Variants in RCOR3 observed in about 807,000 individuals in gnomAD.
RCOR3 encodes REST corepressor 3.
Under a neutral mutation model 64.1 loss-of-function variants are expected in RCOR3, and 13 were observed. The observed-to-expected ratio is 0.20, with a 90% CI of 0.13 to 0.32. RCOR3 has a LOEUF of 0.32. Ranked by LOEUF, RCOR3 falls within the 10% of genes least tolerant of loss-of-function variation. The probability of loss-of-function intolerance (pLI) is 1.00; values close to 1 mark genes in which losing one functional copy is unlikely to be tolerated. For synonymous variants in RCOR3, 215 were observed against 239.0 expected, an observed-to-expected ratio of 0.90 and a Z score of 0.93; for missense variants, 489 against 701.2, an observed-to-expected ratio of 0.70 and a Z score of 3.42.
chr1:211,313,366 G>A lies in RCOR3; in HGVS notation c.1318-58G>A, dbSNP rs1005244926. ...TTCCTGTGACAGCCCAAACTATATTGTATTAAGTTCATTAGGACTTACATC... is the reference window on the plus strand; with the variant it reads ...TTCCTGTGACAGCCCAAACTATATTATATTAAGTTCATTAGGACTTACATC... On this transcript the variant is annotated intron_variant, in intron 11 of 11. Transcript: ENST00000419091. The surrounding 1 kb of genome is among the most constrained non-coding windows in gnomAD (Gnocchi z 4.7). 2 of 1,552,284 alleles carry A rather than the reference G, an allele frequency of 1.3e-6. No homozygotes were observed. The highest frequency in any genetic ancestry group is 1.2e-5 in the South Asian group (1 of 80,496).
At chr1:211,263,610 AT>A (rs924259262) in intron 2 of RCOR3, among the ~76,000 whole-genome samples, 9 of 152,324 alleles carry the variant, frequency 5.9e-5, no homozygotes, top group African/African-American at 2.2e-4. Context: ...GTAAAAGCTA[AT>A]CTTATCAATC....
chr1:211,299,115 A>C (rs1295622089), intron 9 of RCOR3, among the ~76,000 whole-genome samples: 1 of 152,190 alleles, frequency 6.6e-6, no homozygotes, highest in Non-Finnish European at 1.5e-5. Flanking sequence ...GAAAATTTTT[A>C]ATTTTAGAAA....
At position 211,276,379 on chromosome 1, in the gene RCOR3, T is replaced by C; in HGVS notation, c.477T>C (p.Phe159=). ...VEDKVLFEQA[F]SFHGKSFHRI... ...ATAAAGTCCTATTTGAACAAGCCTT[T>C]AGTTTTCATGGAAAGAGCTTTCACA... The change falls in exon 5 of 12, where the codon TTT becomes TTC. Residue 159 remains phenylalanine, a synonymous_variant. Transcript: ENST00000419091. The C allele has an allele frequency of 6.2e-7, 1 of 1,613,576 alleles. No individual in the cohort carries two copies. Among genetic ancestry groups the C allele is most frequent in the Non-Finnish European group, 8.5e-7 (1 of 1,179,634 alleles).
At chr1:211,304,260 C>T (rs1414301788) in intron 10 of RCOR3, 120 bp downstream of exon 10, 1 of 634,494 alleles carries the variant, frequency 1.6e-6, no homozygotes, top group Non-Finnish European at 2.5e-6. Context: ...GTGTTTATCA[C>T]AAAGTCCTGG....
intron 7 of RCOR3, among the ~76,000 whole-genome samples, 166 bp from the exon 8 acceptor site, chr1:211,289,012 A>AGTGTTATGT (rs1489373331): frequency 1.3e-5 from 2 of 152,050 alleles, no homozygotes; most frequent in African/African-American, 4.8e-5. Flanking sequence ...CCAGTTGGTG[A>AGTGTTATGT]GTGTTATGTG....
intron 2 of RCOR3, chr1:211,260,830 C>T (rs1694129972): frequency 6.6e-6 from 1 of 152,380 alleles, no homozygotes; most frequent in Non-Finnish European, 1.5e-5. Context: ...AGGACAGTGG[C>T]TGCAGCTGCC....
At chr1:211,259,860 G>A in intron 1 of RCOR3, 134 bp downstream of exon 1, 1 of 997,548 alleles carries the variant, frequency 1.0e-6, no homozygotes, top group East Asian at 3.3e-5. Context: ...TCGAACTCCC[G>A]GTGCAGTGCA....
intron 7 of RCOR3, 96 bp from the exon 8 acceptor site, chr1:211,289,082 C>A: frequency 1.1e-6 from 1 of 895,538 alleles, no homozygotes; most frequent in Non-Finnish European, 1.8e-6. Context: ...TTTATGTGTA[C>A]TTATTGCAGC....
chr1:211,288,140 G>A (rs937598632), intron 7 of RCOR3, among the ~76,000 whole-genome samples: 1 of 151,580 alleles, frequency 6.6e-6, no homozygotes, highest in Non-Finnish European at 1.5e-5. Context: ...AGCCCAGGAG[G>A]TCAAAAGGCT....
At position 211,276,145 on chromosome 1, in the gene RCOR3, T is replaced by C; in HGVS notation, c.355-112T>C. The C allele has an allele frequency of 3.0e-6, 3 of 987,996 alleles. No individual in the cohort carries two copies. In the South Asian group the frequency reaches 5.5e-5, roughly 18 times the overall value. 61.2% of individuals were successfully genotyped at this position (987,996 alleles called of 1,614,324 possible). On this transcript the variant is annotated intron_variant, in intron 4 of 11. Transcript: ENST00000419091. Reference sequence around the variant, plus strand: ...TTTAAAGTCCCAAACTGTGAGTCTATCTTCAGTCGAAGTCATAGGCTTAAG... The same window carrying C: ...TTTAAAGTCCCAAACTGTGAGTCTACCTTCAGTCGAAGTCATAGGCTTAAG...
At chr1:211,261,100 T>G (rs1303992323) in intron 2 of RCOR3, 1 of 152,236 alleles carries the variant, frequency 6.6e-6, no homozygotes, top group Non-Finnish European at 1.5e-5. Context: ...ACCCACCTTT[T>G]TTTTTCCTCC....
In RCOR3 at chr1:211,289,338, A is replaced by G. The variant is rs748130216; in HGVS notation, c.881A>G (p.Asn294Ser). 3.8e-5 allele frequency: 62 copies of G among 1,614,048 alleles called. No homozygotes were observed. Among genetic ancestry groups the G allele is most frequent in the Non-Finnish European group, 4.4e-5 (52 of 1,180,032 alleles). The change falls in exon 8 of 12, where the codon AAT becomes AGT. Residue 294 changes from asparagine to serine, a missense_variant. Asn to Ser is a conservative substitution (Grantham distance 46, BLOSUM62 1). Transcript: ENST00000419091. ...EDVVAVSCSP[N>S]AANTILRQLD... ...GTGGTAGCAGTTTCCTGTAGTCCCA[A>G]TGCAGCCAACACCATCCTGAGGCAA... is the stretch of plus-strand genomic sequence containing the variant.
intron 9 of RCOR3, chr1:211,301,610 TC>T (rs1700388613): frequency 6.6e-6 from 1 of 152,214 alleles, no homozygotes; most frequent in Admixed American, 6.5e-5. Flanking sequence ...TGGATTGCCT[TC>T]CCATTATTTG....
rs1273263586 is a variant in RCOR3 at position 211,259,645 on chromosome 1, G to A, written c.85G>A (p.Gly29Ser). The change falls in exon 1 of 12, where the codon GGC becomes AGC. Residue 29 changes from glycine to serine, a missense_variant. Physicochemically the swap from Gly to Ser is moderately conservative, Grantham distance 56 (BLOSUM62 0). Around this residue, in one of 2 missense-constraint regions of RCOR3, gnomAD observed 87 missense variants for 84.3 expected, o/e 1.03. Transcript: ENST00000419091. Reference protein sequence around the residue: ...NGSAKSPAGGGGSGASSTNGG... With the variant: ...NGSAKSPAGGSGSGASSTNGG... ...CAGCGCCAAGAGCCCGGCAGGCGGC[G>A]GCGGCAGCGGCGCCTCGTCCACCAA... 5.2e-6 allele frequency: 8 copies of A among 1,547,258 alleles called. No individual in the cohort carries two copies. Among genetic ancestry groups the A allele is most frequent in the Non-Finnish European group, 7.0e-6 (8 of 1,145,462 alleles).
At chr1:211,275,302 A>G (rs1696815336) in intron 4 of RCOR3, among the ~76,000 whole-genome samples, 2 of 152,060 alleles carry the variant, frequency 1.3e-5, no homozygotes, top group Admixed American at 1.3e-4. Flanking sequence ...TGAAATTGAG[A>G]TGTTTATTTT....
At chr1:211,309,162 C>T (rs1372200390) in intron 10 of RCOR3, among the ~76,000 whole-genome samples, 1 of 147,646 alleles carries the variant, frequency 6.8e-6, no homozygotes, top group Non-Finnish European at 1.5e-5. Flanking sequence ...CCTGAAGTTA[C>T]CACAATCTTA....
At chr1:211,289,775 TTCATCATCA>T (rs138528802) in intron 8 of RCOR3, among the ~76,000 whole-genome samples, 3 of 151,958 alleles carry the variant, frequency 2.0e-5, no homozygotes, top group Admixed American at 6.6e-5. Context: ...GGTTGTTGTC[TTCATCATCA>T]TCATCATCAT....
intron 7 of RCOR3, among the ~76,000 whole-genome samples, chr1:211,282,002 T>C (rs756302732): frequency 1.2e-4 from 19 of 152,194 alleles, no homozygotes; most frequent in Admixed American, 6.5e-5. Flanking sequence ...ATGCTCTTAA[T>C]TGTGATATAA....
intron 4 of RCOR3, among the ~76,000 whole-genome samples, chr1:211,274,676 A>G (rs905318489): frequency 3.3e-5 from 5 of 152,016 alleles, no homozygotes; most frequent in African/African-American, 9.7e-5. Context: ...TTTTTGTTCT[A>G]CAGGATCTAA....
Sources: gnomAD v4.1 joint callset for allele counts (sites outside exome capture counted in the v4.1 genomes callset) on GRCh38, gnomAD v4.1.1 for gene constraint, gnomAD v4.1.1 regional missense constraint, Gnocchi (gnomAD v3.1) non-coding constraint, MANE v1.5 for transcripts, NCBI Gene and HGNC (gene_info 2026-07-23, HGNC 2026-07-21) for gene names.